Variants in SYN2 observed in about 807,000 individuals in gnomAD.
The protein encoded by SYN2 is synapsin II, also known as synapsin-2.
SYN2 carries 19 observed loss-of-function variants against 50.9 expected under a neutral mutation model. The observed-to-expected ratio is 0.37, with a 90% CI of 0.26 to 0.55. The LOEUF (loss-of-function observed/expected upper bound fraction) is 0.55, where lower values mean the gene tolerates loss of function less well. SYN2 is among the 20% of genes least tolerant of loss of function. The probability of loss-of-function intolerance (pLI) is 0.81; values close to 1 mark genes in which losing one functional copy is unlikely to be tolerated. For missense variants in SYN2, 587 were observed against 576.4 expected, an observed-to-expected ratio of 1.02 and a Z score of -0.19; for synonymous variants, 255 against 224.9, an observed-to-expected ratio of 1.13 and a Z score of -1.20.
chr3:12,153,457 A>C, intron 5 of SYN2: 3 of 1,591,972 alleles, frequency 1.9e-6, no homozygotes, highest in Non-Finnish European at 2.6e-6. Context: ...TCTGCAGGGA[A>C]GGAGAACTGG....
intron 6 of SYN2, 61 bp downstream of exon 6, chr3:12,161,669 C>T: frequency 1.3e-6 from 2 of 1,576,898 alleles, no homozygotes; most frequent in Non-Finnish European, 1.7e-6. Context: ...TTTCAGAGCG[C>T]CCATTTGTGA....
chr3:12,094,926 A>G (rs1391510115), intron 1 of SYN2, among the ~76,000 whole-genome samples: 4 of 152,174 alleles, frequency 2.6e-5, no homozygotes, highest in Non-Finnish European at 5.9e-5. Flanking sequence ...CTGAATTTAT[A>G]AGTCTGGAGC....
intron 1 of SYN2, among the ~76,000 whole-genome samples, chr3:12,033,833 CAT>C (rs1694435174): frequency 6.6e-6 from 1 of 152,176 alleles, no homozygotes; most frequent in Admixed American, 6.5e-5. Context: ...CACATTGTAT[CAT>C]GTGTCAGTGC....
At chr3:12,004,971 G>A (rs1215334172) in intron 1 of SYN2, 43 bp downstream of exon 1, 1 of 469,370 alleles carries the variant, frequency 2.1e-6, no homozygotes, top group Non-Finnish European at 3.7e-6. Context: ...GGGGTCCGCC[G>A]GCAGCCGCAG....
chr3:12,168,630 C>T (rs1697864292), intron 9 of SYN2, among the ~76,000 whole-genome samples, 152 bp downstream of exon 9: 1 of 152,166 alleles, frequency 6.6e-6, no homozygotes, highest in Non-Finnish European at 1.5e-5. Context: ...TAGGCTGACC[C>T]ACGCCATGGG....
At chr3:12,169,438 G>T (rs184292905) in intron 9 of SYN2, among the ~76,000 whole-genome samples, 1 of 152,312 alleles carries the variant, frequency 6.6e-6, no homozygotes, top group East Asian at 1.9e-4. Flanking sequence ...GTGCTCCCCT[G>T]CCTGCAAACT....
At chr3:12,099,652 C>T (rs889106536) in intron 1 of SYN2, among the ~76,000 whole-genome samples, 1 of 151,772 alleles carries the variant, frequency 6.6e-6, no homozygotes, top group African/African-American at 2.4e-5. Context: ...TAAGAGAAAA[C>T]TAAATTCAAA....
intron 1 of SYN2, among the ~76,000 whole-genome samples, chr3:12,092,087 G>C (rs1235439110): frequency 1.3e-5 from 2 of 151,454 alleles, no homozygotes; most frequent in African/African-American, 4.8e-5. Context: ...TTTTAAAAAA[G>C]TGTGTTTTTC....
At chr3:12,027,416 A>G (rs183203688) in intron 1 of SYN2, among the ~76,000 whole-genome samples, 31 of 152,206 alleles carry the variant, frequency 2.0e-4, no homozygotes, top group African/African-American at 3.4e-4. Flanking sequence ...TGTCGTACCC[A>G]TTGTCCCCCT....
At position 12,100,467 on chromosome 3, in the gene SYN2, T is replaced by C. The variant is rs560680965; in HGVS notation, c.378-40184T>C. On this transcript the variant is annotated intron_variant, in intron 1 of 12. Transcript: ENST00000621198. ...GAGATTGGAACCCTATCTCATACTA[T>C]ATACAAAAATTAAAATGGATTTACA... Among the ~76,000 whole-genome samples, 7 of 152,276 alleles carry C rather than the reference T, an allele frequency of 4.6e-5. No individual in the cohort carries two copies. In the South Asian group the frequency reaches 1.2e-3, roughly 27 times the overall value.
rs1228492967 is a variant in SYN2, at chr3:12,169,867, C to G, written c.1269C>G (p.Ala423=). 2.4e-5 allele frequency: 39 copies of G among 1,612,788 alleles called. No homozygotes were observed. Among genetic ancestry groups the G allele is most frequent in the Non-Finnish European group, 3.1e-5 (37 of 1,179,394 alleles). Residue 423 remains alanine, a synonymous_variant, in exon 10 of 13, where the codon GCC becomes GCG. Transcript: ENST00000621198. ...ACCAGCTGCTGTCCAGGACTCCTGC[C>G]CTGTCTCCTCAGAGACCCCTAACAA... ...KMNQLLSRTP[A]LSPQRPLTTQ...
chr3:12,185,411 G>T (rs1698319420), intron 11 of SYN2: 1 of 985,696 alleles, frequency 1.0e-6, no homozygotes, highest in African/African-American at 1.7e-5. Context: ...ACAGGGTGGT[G>T]TCAGTCAAGG....
chr3:12,058,018 A>T (rs1049527875), intron 1 of SYN2, among the ~76,000 whole-genome samples: 1 of 152,144 alleles, frequency 6.6e-6, no homozygotes, highest in Non-Finnish European at 1.5e-5. Context: ...TCTCCATCAG[A>T]ATCTACATTT....
intron 1 of SYN2, among the ~76,000 whole-genome samples, chr3:12,078,103 G>T (rs771073725): frequency 6.6e-6 from 1 of 152,104 alleles, no homozygotes; most frequent in African/African-American, 2.4e-5. Context: ...TTTGCTGGCC[G>T]TATGAATGTC....
intron 1 of SYN2, among the ~76,000 whole-genome samples, chr3:12,036,757 C>T (rs1261191558): frequency 1.3e-5 from 2 of 152,230 alleles, no homozygotes; most frequent in South Asian, 4.1e-4. Context: ...CAATTGGCTA[C>T]ATCCTTAGTA....
chr3:12,085,600 G>A (rs1314166735), intron 1 of SYN2, among the ~76,000 whole-genome samples: 2 of 151,986 alleles, frequency 1.3e-5, no homozygotes, highest in East Asian at 1.9e-4. Flanking sequence ...AATTAATAAC[G>A]GCATCTTGGA....
At chr3:12,008,793 G>A (rs562349866) in intron 1 of SYN2, among the ~76,000 whole-genome samples, 2 of 152,336 alleles carry the variant, frequency 1.3e-5, no homozygotes, top group Non-Finnish European at 2.9e-5. Flanking sequence ...GAACAAGTGA[G>A]GTTTTAACTG....
chr3:12,114,116 C>CTTTTT (rs879363432), intron 1 of SYN2, among the ~76,000 whole-genome samples: 1 of 144,550 alleles, frequency 6.9e-6, no homozygotes. Flanking sequence ...AATAGTCCAT[C>CTTTTT]TTTTTTTTTT....
chr3:12,116,158 AC>A (rs1340607002), intron 1 of SYN2, among the ~76,000 whole-genome samples: 1 of 152,134 alleles, frequency 6.6e-6, no homozygotes, highest in African/African-American at 2.4e-5. Flanking sequence ...GCAATAATGA[AC>A]CCATAGCCCG....
Sources: gnomAD v4.1 joint callset for allele counts (sites outside exome capture counted in the v4.1 genomes callset) on GRCh38, gnomAD v4.1.1 for gene constraint, MANE v1.5 for transcripts, NCBI Gene and HGNC (gene_info 2026-07-23, HGNC 2026-07-21) for gene names.